Variants in DEPDC4 observed in about 807,000 individuals in gnomAD.
The protein encoded by DEPDC4 is DEP domain-containing protein 4.
A neutral mutation model predicts 52.0 loss-of-function variants in DEPDC4; 52 were observed. That is an observed-to-expected ratio of 1.00 (90% CI 0.80 to 1.26). The LOEUF (loss-of-function observed/expected upper bound fraction) is 1.26. Among genes scored for constraint, DEPDC4 ranks in the 50% most tolerant of loss-of-function variants. The pLI is 0.00. For synonymous variants in DEPDC4, 201 were observed against 196.8 expected (o/e 1.02, Z -0.18); for missense variants, 530 against 546.9 (o/e 0.97, Z 0.31).
chr12:100,237,358 C>T (rs1372863564), downstream of DEPDC4, among the ~76,000 whole-genome samples: 1 of 152,072 alleles, frequency 6.6e-6, no homozygotes, highest in Non-Finnish European at 1.5e-5. Flanking sequence ...CAGGCGTGTG[C>T]CACCACACCC....
intron 1 of DEPDC4, among the ~76,000 whole-genome samples, chr12:100,264,602 C>T (rs1186176421): frequency 1.3e-5 from 2 of 151,898 alleles, no homozygotes; most frequent in Non-Finnish European, 2.9e-5. Flanking sequence ...TCTCTTCAAC[C>T]CAGGAGATGG....
chr12:100,255,478 A>G (rs755335195), intron 4 of DEPDC4, among the ~76,000 whole-genome samples: 2 of 152,142 alleles, frequency 1.3e-5, no homozygotes, highest in African/African-American at 4.8e-5. Flanking sequence ...AGGAAGCACT[A>G]TATCAGTTCT....
intron 1 of DEPDC4, among the ~76,000 whole-genome samples, chr12:100,264,750 C>T (rs1305332353): frequency 6.6e-6 from 1 of 151,760 alleles, no homozygotes; most frequent in Admixed American, 6.6e-5. Context: ...TTGAATATAA[C>T]CCAATTATCT....
At chr12:100,238,321 G>C (rs889684491), downstream of DEPDC4, among the ~76,000 whole-genome samples, 1 of 151,644 alleles carries the variant, frequency 6.6e-6, no homozygotes, top group Non-Finnish European at 1.5e-5. Context: ...AACACTCCCG[G>C]CTAATTTTTT....
chr12:100,267,077 A>G lies in DEPDC4; in HGVS notation c.-1T>C, dbSNP rs1442806152. The G allele has an allele frequency of 1.1e-5, 18 of 1,612,258 alleles. No individual in the cohort carries two copies. The highest frequency in any genetic ancestry group is 2.7e-5 in the African/African-American group (2 of 74,888). The stretch of plus-strand genomic sequence containing the variant: ...GCGCTGGCTCCTCCCCTGGCACCAT[A>G]GCCCCGCCCCACCTGACACCCGGGG... On this transcript the variant is annotated 5_prime_UTR_variant, in exon 1 of 10. Coordinates refer to ENST00000550587, the MANE Select transcript of DEPDC4 (RefSeq NM_001364818.2).
At chr12:100,249,938 C>T (rs1182243521) in intron 7 of DEPDC4, among the ~76,000 whole-genome samples, 1 of 152,098 alleles carries the variant, frequency 6.6e-6, no homozygotes, top group Non-Finnish European at 1.5e-5. Flanking sequence ...GTGATAAGTG[C>T]CACTATGAAA....
intron 4 of DEPDC4, 56 bp downstream of exon 4, chr12:100,255,993 C>T: frequency 7.5e-7 from 1 of 1,339,134 alleles, no homozygotes; most frequent in Non-Finnish European, 1.0e-6. Context: ...ATACTAAGGG[C>T]AAATATGTGA....
intron 3 of DEPDC4, among the ~76,000 whole-genome samples, chr12:100,256,651 T>C (rs1350033969): frequency 6.6e-6 from 1 of 151,308 alleles, no homozygotes; most frequent in Admixed American, 6.6e-5. Context: ...TTTTGTTTTT[T>C]TTTTTTTTGA....
At chr12:100,234,965 T>C (rs983558848) in intron 9 of DEPDC4, among the ~76,000 whole-genome samples, 2 of 152,150 alleles carry the variant, frequency 1.3e-5, no homozygotes, top group Non-Finnish European at 2.9e-5. Context: ...CTTCAAAAAC[T>C]ATTCAGTAGA....
chr12:100,248,862 C>T, intron 8 of DEPDC4, 38 bp downstream of exon 8: 1 of 890,734 alleles, frequency 1.1e-6, no homozygotes, highest in Non-Finnish European at 1.3e-6. Flanking sequence ...CAACAACAGT[C>T]ACTTAATGAT....
At chr12:100,269,173 A>C (rs537680770), upstream of DEPDC4, among the ~76,000 whole-genome samples, 16 of 152,238 alleles carry the variant, frequency 1.1e-4, no homozygotes, top group African/African-American at 3.9e-4. Context: ...CATGCCCTAC[A>C]AGCCCTGCAT....
At chr12:100,235,971 C>T (rs964970586), downstream of DEPDC4, among the ~76,000 whole-genome samples, 18 of 152,230 alleles carry the variant, frequency 1.2e-4, no homozygotes, top group African/African-American at 4.1e-4. Context: ...AGTTACTTCA[C>T]ATAGAATAAT....
At chr12:100,265,836 G>GA (rs1461734786) in intron 1 of DEPDC4, among the ~76,000 whole-genome samples, 1 of 152,128 alleles carries the variant, frequency 6.6e-6, no homozygotes, top group East Asian at 1.9e-4. Flanking sequence ...TAAATAAATA[G>GA]AAAGATCTGG....
rs1210879644 is a variant in DEPDC4, at chr12:100,253,540, G to C, written c.1054C>G (p.Leu352Val). The C allele has an allele frequency of 7.8e-7, 1 of 1,287,840 alleles. No individual in the cohort carries two copies. The highest frequency in any genetic ancestry group is 5.5e-5 in the East Asian group (1 of 18,032). The allele number at this position is 1,287,840 out of a possible 1,614,324, so 79.8% of individuals were successfully genotyped here. Residue 352 changes from leucine to valine, a missense_variant, in exon 5 of 10, where the codon CTA becomes GTA. By Grantham distance (32) the Leu-to-Val change is conservative. Transcript: ENST00000550587. The stretch of plus-strand genomic sequence containing the variant: ...ATATCAAAATACTCATCAGTTAATA[G>C]GCAATCTCTCTCTTGAGCATAGTAT... ...AKYYAQERDC[L>V]LTDEYFDIHS...
At chr12:100,238,224 G>T (rs2096145167), downstream of DEPDC4, 1 of 179,364 alleles carries the variant, frequency 5.6e-6, no homozygotes. Context: ...ACCCAGGCTG[G>T]AGTGCGATGG....
intron 8 of DEPDC4, among the ~76,000 whole-genome samples, chr12:100,244,858 T>A (rs2096178465): frequency 1.3e-5 from 2 of 150,912 alleles, no homozygotes; most frequent in Non-Finnish European, 1.5e-5. Flanking sequence ...CCCATGCTTA[T>A]TTTATTTATT....
Position 100,252,395 on chromosome 12 carries a change from T to A in DEPDC4, c.1247A>T (p.Gln416Leu). The stretch of plus-strand genomic sequence containing the variant: ...AAAACTTATTGCAAAATTTTTCACC[T>A]GTTTTTGCAACTTGTAGGCATTGGG... ...SEPNAYKLQK[Q>L]YDNKTVVLKT... is the part of the protein sequence containing the mutation. The change falls in exon 6 of 10, where the codon CAG becomes CTG. Residue 416 changes from glutamine (Q) to leucine (L), a missense_variant and splice_region_variant. By Grantham distance (113) the Gln-to-Leu change is moderately radical. Coordinates refer to ENST00000550587, the MANE Select transcript of DEPDC4 (RefSeq NM_001364818.2). 6.5e-7 allele frequency: 1 copy of A among 1,549,656 alleles called. No homozygotes were observed. Among genetic ancestry groups the A allele is most frequent in the Non-Finnish European group, 8.6e-7 (1 of 1,156,426 alleles).
chr12:100,257,325 G>T (rs191070803), intron 3 of DEPDC4, among the ~76,000 whole-genome samples: 2 of 152,076 alleles, frequency 1.3e-5, no homozygotes, highest in African/African-American at 4.8e-5. Flanking sequence ...TGATCCACCC[G>T]CCTTGGCCTC....
chr12:100,262,200 A>G, intron 3 of DEPDC4, 64 bp downstream of exon 3: 2 of 1,521,500 alleles, frequency 1.3e-6, no homozygotes, highest in Non-Finnish European at 1.8e-6. Context: ...TGCTTATAAG[A>G]ACCTGTTAAA....
Sources: allele counts gnomAD v4.1 joint callset (sites outside exome capture counted in the v4.1 genomes callset), GRCh38; gene constraint gnomAD v4.1.1; transcripts MANE v1.5; gene names NCBI Gene and HGNC (gene_info 2026-07-23, HGNC 2026-07-21).